Variants in ZMAT4 observed in about 807,000 individuals in gnomAD.
ZMAT4 encodes the protein zinc finger matrin-type protein 4.
In ZMAT4, 17 loss-of-function variants were observed where a neutral mutation model predicts 28.7. The observed-to-expected ratio is 0.59, with a 90% CI of 0.41 to 0.89. ZMAT4 has a LOEUF of 0.89. Ranked by LOEUF, ZMAT4 falls within the 40% of genes least tolerant of loss-of-function variation. ZMAT4 has a pLI of 0.00. For missense variants in ZMAT4, 240 were observed against 283.8 expected (o/e 0.85, Z 1.11); for synonymous variants, 117 against 109.2 (o/e 1.07, Z -0.44).
At chr8:40,876,905 G>C (rs755408789) in intron 1 of ZMAT4, among the ~76,000 whole-genome samples, 2 of 152,206 alleles carry the variant, frequency 1.3e-5, no homozygotes, top group African/African-American at 4.8e-5. Context: ...TATTCCCAGA[G>C]GGAGAAGCAT....
intron 2 of ZMAT4, among the ~76,000 whole-genome samples, chr8:40,824,537 G>T (rs1285440247): frequency 6.6e-6 from 1 of 151,994 alleles, no homozygotes; most frequent in East Asian, 1.9e-4. Context: ...AGCAGAACAT[G>T]CCCTAGTAGC....
chr8:40,561,196 A>G (rs1228333231), intron 6 of ZMAT4, among the ~76,000 whole-genome samples: 1 of 152,178 alleles, frequency 6.6e-6, no homozygotes, highest in Admixed American at 6.5e-5. Context: ...AAAAATGGAA[A>G]CATCTTAAGT....
At chr8:40,613,106 C>A (rs11997463) in intron 5 of ZMAT4, among the ~76,000 whole-genome samples, 20,474 of 151,268 alleles carry the variant, frequency 0.14, 1,908 homozygotes, top group African/African-American at 0.26. Flanking sequence ...CCACCGTGAC[C>A]GGCCTCTATC....
intron 3 of ZMAT4, among the ~76,000 whole-genome samples, chr8:40,763,725 A>G (rs907188185): frequency 4.6e-5 from 7 of 152,130 alleles, no homozygotes; most frequent in Non-Finnish European, 2.9e-5. Context: ...GATTAGATTG[A>G]TTCTTCCCCA....
At chr8:40,606,629 C>T (rs1177058582) in intron 5 of ZMAT4, among the ~76,000 whole-genome samples, 2 of 152,168 alleles carry the variant, frequency 1.3e-5, no homozygotes, top group Non-Finnish European at 2.9e-5. Context: ...TTCGTCTTGA[C>T]TTTAGATAAC....
intron 6 of ZMAT4, among the ~76,000 whole-genome samples, chr8:40,546,665 G>A (rs1180731028): frequency 6.6e-6 from 1 of 152,142 alleles, no homozygotes; most frequent in Non-Finnish European, 1.5e-5. Flanking sequence ...TCCTGAGGCA[G>A]CATAATTATC....
intron 2 of ZMAT4, among the ~76,000 whole-genome samples, chr8:40,797,244 A>T (rs1814638051): frequency 1.3e-5 from 2 of 152,176 alleles, no homozygotes; most frequent in South Asian, 4.1e-4. Flanking sequence ...CAAAAAAAGC[A>T]CCAGCACCTG....
intron 3 of ZMAT4, among the ~76,000 whole-genome samples, chr8:40,759,779 T>G (rs2150554554): frequency 6.6e-6 from 1 of 152,262 alleles, no homozygotes; most frequent in Non-Finnish European, 1.5e-5. Context: ...CAGGAATAGT[T>G]TCTTTTAAAT....
chr8:40,787,180 A>C (rs1400371119), intron 2 of ZMAT4, among the ~76,000 whole-genome samples: 1 of 152,236 alleles, frequency 6.6e-6, no homozygotes, highest in Non-Finnish European at 1.5e-5. Flanking sequence ...ATAGAAAAGA[A>C]GAAAGATCTG....
chr8:40,658,559 G>C (rs1277777521), intron 5 of ZMAT4, among the ~76,000 whole-genome samples: 1 of 151,056 alleles, frequency 6.6e-6, no homozygotes, highest in Non-Finnish European at 1.5e-5. Flanking sequence ...GATGTCTGGC[G>C]TTGGCTCCAT....
At chr8:40,711,248 A>T (rs554572539) in intron 3 of ZMAT4, among the ~76,000 whole-genome samples, 19 of 152,346 alleles carry the variant, frequency 1.2e-4, no homozygotes, top group African/African-American at 4.6e-4. Flanking sequence ...ACAGAGTATC[A>T]AACAATAAAT....
At chr8:40,717,311 T>G (rs982508317) in intron 3 of ZMAT4, among the ~76,000 whole-genome samples, 1 of 152,194 alleles carries the variant, frequency 6.6e-6, no homozygotes, top group Non-Finnish European at 1.5e-5. Context: ...TTTATTAGCT[T>G]TTCTGTGTTA....
intron 1 of ZMAT4, among the ~76,000 whole-genome samples, chr8:40,866,578 T>G (rs1197729317): frequency 6.6e-6 from 1 of 152,224 alleles, no homozygotes. Flanking sequence ...GGCTCACATC[T>G]GGCTGTTTTA....
intron 2 of ZMAT4, among the ~76,000 whole-genome samples, chr8:40,770,790 C>T (rs538103958): frequency 3.9e-5 from 6 of 152,118 alleles, no homozygotes; most frequent in South Asian, 2.1e-4. Flanking sequence ...TCAAGTGAGC[C>T]GCCCACCTCA....
intron 2 of ZMAT4, among the ~76,000 whole-genome samples, chr8:40,821,065 T>G (rs2150606918): frequency 6.9e-6 from 1 of 145,274 alleles, no homozygotes; most frequent in South Asian, 2.2e-4. Context: ...GTGTTGGTGG[T>G]TTGGGGATGG....
At chr8:40,788,450 T>C (rs1814178923) in intron 2 of ZMAT4, among the ~76,000 whole-genome samples, 2 of 152,072 alleles carry the variant, frequency 1.3e-5, no homozygotes, top group South Asian at 2.1e-4. Context: ...CCGGGCGTGG[T>C]GGCGGGTGCC....
intron 6 of ZMAT4, among the ~76,000 whole-genome samples, chr8:40,564,295 T>C (rs1463934219): frequency 1.3e-5 from 2 of 152,102 alleles, no homozygotes; most frequent in Admixed American, 1.3e-4. Flanking sequence ...TTTTTATAAG[T>C]CGAGAGTATA....
At chr8:40,801,352 A>AAAAAATATATATATATATATATATG (rs774919666) in intron 2 of ZMAT4, among the ~76,000 whole-genome samples, 21 of 72,148 alleles carry the variant, frequency 2.9e-4, no homozygotes, top group African/African-American at 8.7e-4. Flanking sequence ...AAAAAAAAAA[A>AAAAAATATATATATATATATATATG]TATATATATA....
In ZMAT4 at chr8:40,612,904, C is replaced by T. The variant is rs1346613975; in HGVS notation, c.578-31643G>A. Among the ~76,000 whole-genome samples, 9 of 151,130 alleles carry T rather than the reference C, an allele frequency of 6.0e-5. 1 individual carries two copies. The highest frequency in any genetic ancestry group is 4.6e-4 in the Admixed American group (7 of 15,136). ...CTTGGCTCACTGCAACCTCCGCCTG[C>T]CAGGTTCAAGTGATTCTCCTGCCTC... On this transcript the variant is annotated intron_variant, in intron 5 of 6. Coordinates refer to ENST00000297737, the MANE Select transcript of ZMAT4 (RefSeq NM_024645.3).
Sources: allele counts gnomAD v4.1 joint callset (sites outside exome capture counted in the v4.1 genomes callset), GRCh38; gene constraint gnomAD v4.1.1; transcripts MANE v1.5; gene names NCBI Gene and HGNC (gene_info 2026-07-23, HGNC 2026-07-21).